Variants in JAK1 observed in about 807,000 individuals in gnomAD.
JAK1 encodes the protein Janus kinase 1, also known as tyrosine-protein kinase JAK1.
JAK1 carries 16 observed loss-of-function variants against 136.6 expected under a neutral mutation model. The observed-to-expected ratio is 0.12, with a 90% CI of 0.08 to 0.18. JAK1 has a LOEUF of 0.18. Among genes scored for constraint, JAK1 ranks in the 10% least tolerant of loss-of-function variants. JAK1 has a pLI of 1.00. For missense variants in JAK1, 859 were observed against 1,450.1 expected, an observed-to-expected ratio of 0.59 and a Z score of 6.62; for synonymous variants, 492 against 519.5, an observed-to-expected ratio of 0.95 and a Z score of 0.72.
At chr1:65,058,491 G>T (rs777575128) in intron 1 of JAK1, 1 of 533,060 alleles carries the variant, frequency 1.9e-6, no homozygotes, top group African/African-American at 1.9e-5. Context: ...TCAGCACTGT[G>T]ATAACTGAGC....
intron 2 of JAK1, among the ~76,000 whole-genome samples, chr1:64,999,831 G>A (rs1009701186): frequency 1.1e-4 from 17 of 151,612 alleles, no homozygotes; most frequent in Admixed American, 2.6e-4. Context: ...CAGTATCTAC[G>A]GCACCTTGAA....
chr1:64,963,834 T>C (rs1400565514), intron 1 of JAK1, among the ~76,000 whole-genome samples: 2 of 152,248 alleles, frequency 1.3e-5, no homozygotes, highest in South Asian at 2.1e-4. Flanking sequence ...ACTACTGAGA[T>C]GGATAATTCT....
intron 1 of JAK1, among the ~76,000 whole-genome samples, chr1:64,897,038 T>C (rs773522743): frequency 1.7e-4 from 26 of 152,270 alleles, no homozygotes; most frequent in African/African-American, 5.1e-4. Context: ...GCAATACTAC[T>C]ACTATCACTA....
Position 64,984,257 on chromosome 1 carries a change from T to G in JAK1, c.-78+60223A>C, listed in dbSNP as rs920055267. On this transcript the variant is annotated intron_variant, in intron 2 of 25. Transcript: ENST00000671954. The surrounding 1 kb of genome is among the most constrained non-coding windows in gnomAD (Gnocchi z 4.1). The stretch of plus-strand genomic sequence containing the variant: ...CAGTGTGTGTGTATCTGCTTCCTGG[T>G]AAGTCTGCGGTTGGGGGAACTGCAC... Among the ~76,000 whole-genome samples the G allele has an allele frequency of 1.3e-5, 2 of 152,166 alleles. No individual in the cohort carries two copies. The highest frequency in any genetic ancestry group is 6.6e-5 in the Admixed American group (1 of 15,266).
intron 2 of JAK1, among the ~76,000 whole-genome samples, chr1:64,986,484 C>A (rs545372213): frequency 2.2e-4 from 33 of 152,146 alleles, no homozygotes; most frequent in Middle Eastern, 3.4e-3. Flanking sequence ...ACCAATGAAA[C>A]CTTCAAAATT....
chr1:64,916,297 A>T (rs1012444567), intron 1 of JAK1, among the ~76,000 whole-genome samples: 1 of 152,212 alleles, frequency 6.6e-6, no homozygotes, highest in Non-Finnish European at 1.5e-5. Context: ...TTCTTTTTTA[A>T]AGTAACATTT....
At chr1:64,949,894 T>C (rs948337717) in intron 1 of JAK1, among the ~76,000 whole-genome samples, 2 of 152,140 alleles carry the variant, frequency 1.3e-5, no homozygotes, top group Non-Finnish European at 2.9e-5. Context: ...GCTTATTCTA[T>C]CATAGATTAC....
At chr1:64,967,442 A>C (rs1196320096), upstream of JAK1, among the ~76,000 whole-genome samples, 2 of 152,174 alleles carry the variant, frequency 1.3e-5, no homozygotes, top group Admixed American at 6.5e-5. Flanking sequence ...TAAAAATTCA[A>C]ATCTGTTCCA....
intron 2 of JAK1, among the ~76,000 whole-genome samples, chr1:65,026,599 A>G (rs1188621282): frequency 6.6e-6 from 1 of 152,226 alleles, no homozygotes; most frequent in African/African-American, 2.4e-5. Context: ...CTACATAAGA[A>G]AAGCTTAGGG....
At chr1:64,956,615 T>G (rs929147416) in intron 1 of JAK1, among the ~76,000 whole-genome samples, 1 of 152,234 alleles carries the variant, frequency 6.6e-6, no homozygotes, top group Non-Finnish European at 1.5e-5. Flanking sequence ...TATCAATGTG[T>G]TTAACATCTT....
At chr1:65,017,911 G>A (rs552227971) in intron 2 of JAK1, among the ~76,000 whole-genome samples, 1 of 151,898 alleles carries the variant, frequency 6.6e-6, no homozygotes, top group Admixed American at 6.6e-5. Flanking sequence ...CTGGGTTCAA[G>A]TGATTCTCCT....
intron 1 of JAK1, among the ~76,000 whole-genome samples, chr1:64,940,553 G>C (rs1645871394): frequency 6.6e-6 from 1 of 152,112 alleles, no homozygotes; most frequent in Non-Finnish European, 1.5e-5. Flanking sequence ...TGGGGCTCAA[G>C]TGATCTGCCC....
At chr1:64,947,359 G>A in intron 1 of JAK1, among the ~76,000 whole-genome samples, 1 of 152,166 alleles carries the variant, frequency 6.6e-6, no homozygotes, top group South Asian at 2.1e-4. Flanking sequence ...CCCCATCCAT[G>A]CCTGCACTGT....
intron 1 of JAK1, among the ~76,000 whole-genome samples, chr1:64,892,411 G>GTA (rs1644952101): frequency 6.6e-6 from 1 of 152,124 alleles, no homozygotes; most frequent in Non-Finnish European, 1.5e-5. Context: ...CTCCCAAGAA[G>GTA]GTGGGATAAC....
At chr1:64,871,834 C>T (rs986692239) in intron 5 of JAK1, among the ~76,000 whole-genome samples, 1 of 152,212 alleles carries the variant, frequency 6.6e-6, no homozygotes, top group Admixed American at 6.5e-5. Flanking sequence ...TTGTATGTTT[C>T]GAGTGTACTC....
chr1:64,942,346 T>G (rs550354185), intron 1 of JAK1: 1 of 152,328 alleles, frequency 6.6e-6, no homozygotes, highest in South Asian at 2.1e-4. Flanking sequence ...TACATGACAC[T>G]TTTGGCACAG....
At chr1:64,883,837 G>A (rs1201334708) in intron 2 of JAK1, among the ~76,000 whole-genome samples, 1 of 152,066 alleles carries the variant, frequency 6.6e-6, no homozygotes, top group African/African-American at 2.4e-5. Flanking sequence ...AACCAACAAT[G>A]TTAAAGGACT....
At chr1:64,953,863 T>A (rs909345331) in intron 1 of JAK1, among the ~76,000 whole-genome samples, 2 of 152,036 alleles carry the variant, frequency 1.3e-5, no homozygotes, top group African/African-American at 4.8e-5. Flanking sequence ...TTAGAAGAGA[T>A]GGGGTTTCAC....
Position 64,844,908 on chromosome 1 carries a change from A to C in JAK1, c.2116-19T>G, listed in dbSNP as rs777614076. ...TATCCTCCTGCAGAGTAAAAAGGTC[A>C]AGTTTAGCCAAGCTGCTCCTTCCCG... On this transcript the variant is annotated intron_variant, in intron 15 of 24. Transcript: ENST00000342505. The surrounding 1 kb of genome is among the most constrained non-coding windows in gnomAD (Gnocchi z 5.7). 1 of 1,614,050 alleles carries C rather than the reference A, an allele frequency of 6.2e-7. No individual in the cohort carries two copies. Among genetic ancestry groups the C allele is most frequent in the Non-Finnish European group, 8.5e-7 (1 of 1,179,946 alleles).
Sources: allele counts gnomAD v4.1 joint callset (sites outside exome capture counted in the v4.1 genomes callset), GRCh38; gene constraint gnomAD v4.1.1; non-coding constraint Gnocchi (gnomAD v3.1); transcripts MANE v1.5; gene names NCBI Gene and HGNC (gene_info 2026-07-23, HGNC 2026-07-21).